Variants in ATAD2B observed in about 807,000 individuals in gnomAD.
ATAD2B encodes ATPase family AAA domain-containing protein 2B.
ATAD2B carries 40 observed loss-of-function variants against 167.6 expected under a neutral mutation model. That is an observed-to-expected ratio of 0.24 (90% CI 0.19 to 0.31). The LOEUF (loss-of-function observed/expected upper bound fraction) is 0.31, where lower values mean the gene tolerates loss of function less well. Ranked by LOEUF, ATAD2B falls within the 10% of genes least tolerant of loss-of-function variation. The pLI, the probability that ATAD2B is intolerant of heterozygous loss-of-function variation, is 1.00. For synonymous variants in ATAD2B, 579 were observed against 596.5 expected, an observed-to-expected ratio of 0.97 and a Z score of 0.43; for missense variants, 1,242 against 1,757.2, an observed-to-expected ratio of 0.71 and a Z score of 5.24.
chr2:23,837,818 T>C (rs2149783982), intron 13 of ATAD2B, among the ~76,000 whole-genome samples: 1 of 152,378 alleles, frequency 6.6e-6, no homozygotes, highest in Admixed American at 6.5e-5. Context: ...TTTGGACAAT[T>C]TCTTTAGAAT....
intron 2 of ATAD2B, among the ~76,000 whole-genome samples, chr2:23,894,218 G>A (rs962187803): frequency 2.6e-5 from 4 of 151,572 alleles, no homozygotes; most frequent in South Asian, 2.1e-4. Flanking sequence ...ACGGTGGCTC[G>A]TGCCTGTAAT....
At chr2:23,851,746 C>A (rs916797789) in intron 13 of ATAD2B, among the ~76,000 whole-genome samples, 11 of 152,128 alleles carry the variant, frequency 7.2e-5, no homozygotes, top group Non-Finnish European at 1.6e-4. Flanking sequence ...CCTAAAAAAT[C>A]TTTTATACTC....
chr2:23,782,730 T>C lies in ATAD2B; in HGVS notation c.3133+139A>G, dbSNP rs1680247490. On this transcript the variant is annotated intron_variant, in intron 22 of 27. Coordinates refer to ENST00000238789, the MANE Select transcript of ATAD2B (RefSeq NM_017552.4). Reference sequence around the variant, plus strand: ...AAACACATTATTTTTATGTAGGCTATGAGCTTCTTATTGAGAAGTTTTGAA... The same window carrying C: ...AAACACATTATTTTTATGTAGGCTACGAGCTTCTTATTGAGAAGTTTTGAA... 4 of 594,748 alleles carry C rather than the reference T, an allele frequency of 6.7e-6. No individual in the cohort carries two copies. The East Asian group carries it at 1.2e-4, about 18-fold the overall frequency. 36.8% of individuals were successfully genotyped at this position (594,748 alleles called of 1,614,324 possible).
the ATAD2B span, among the ~76,000 whole-genome samples, chr2:23,699,195 C>T: frequency 3.3e-5 from 5 of 152,330 alleles, no homozygotes; most frequent in South Asian, 1.0e-3. Context: ...GGCCAGCTTC[C>T]TGGGCTCTGG....
At chr2:23,857,358 A>C in intron 13 of ATAD2B, 57 bp downstream of exon 13, 1 of 956,590 alleles carries the variant, frequency 1.0e-6, no homozygotes, top group Non-Finnish European at 1.5e-6. Flanking sequence ...GGCTAAGGCT[A>C]ACTACCAAGT....
At chr2:23,854,952 T>C (rs1057321402) in intron 13 of ATAD2B, among the ~76,000 whole-genome samples, 1 of 152,156 alleles carries the variant, frequency 6.6e-6, no homozygotes, top group African/African-American at 2.4e-5. Flanking sequence ...CCCAGCACTT[T>C]GGGAGGCCAC....
the ATAD2B span, among the ~76,000 whole-genome samples, chr2:23,716,998 A>G: frequency 6.6e-6 from 1 of 152,190 alleles, no homozygotes; most frequent in African/African-American, 2.4e-5. Context: ...AGGAGGATGG[A>G]GGCGAGGATG....
At chr2:23,852,797 T>C (rs946872350) in intron 13 of ATAD2B, among the ~76,000 whole-genome samples, 1 of 151,670 alleles carries the variant, frequency 6.6e-6, no homozygotes, top group African/African-American at 2.4e-5. Context: ...CAGACACCTG[T>C]AATGCCAGGT....
At chr2:23,706,845 A>C in the ATAD2B span, 1 of 531,058 alleles carries the variant, frequency 1.9e-6, no homozygotes. Context: ...CTTTGGATGA[A>C]ACGGAGGCAC....
At chr2:23,691,643 G>A in the ATAD2B span, 92 of 1,543,812 alleles carry the variant, frequency 6.0e-5, no homozygotes, top group African/African-American at 1.1e-3. Flanking sequence ...CGCAGGGCAG[G>A]AGGTAAGGAC....
intron 8 of ATAD2B, chr2:23,872,218 C>G: frequency 2.8e-6 from 1 of 362,836 alleles, no homozygotes; most frequent in South Asian, 2.4e-5. Context: ...AGGTCTCACT[C>G]TGTCAACCCA....
At chr2:23,824,465 ACT>A (rs1687940070) in intron 15 of ATAD2B, among the ~76,000 whole-genome samples, 1 of 152,162 alleles carries the variant, frequency 6.6e-6, no homozygotes, top group South Asian at 2.1e-4. Context: ...TCTACTACCA[ACT>A]CTGAGTACAA....
At chr2:23,686,468 G>T in the ATAD2B span, among the ~76,000 whole-genome samples, 1 of 152,132 alleles carries the variant, frequency 6.6e-6, no homozygotes, top group African/African-American at 2.4e-5. Flanking sequence ...TCAGGAAATT[G>T]GTTCAAGTGA....
In ATAD2B at chr2:23,927,016, C is replaced by T; in HGVS notation, c.-246G>A. 6.1e-6 allele frequency: 3 copies of T among 488,306 alleles called. No homozygotes were observed. The highest frequency in any genetic ancestry group is 3.6e-6 in the Non-Finnish European group (1 of 281,130). The allele number at this position is 488,306 out of a possible 1,614,324, so 30.2% of individuals were successfully genotyped here. On this transcript the variant is annotated 5_prime_UTR_variant, in exon 1 of 28. Coordinates refer to ENST00000238789, the MANE Select transcript of ATAD2B (RefSeq NM_017552.4). ...GGCAGCACAGACACTCCGCCGGCTT[C>T]GCCCTCCTCAGCGGGAGCCGAGCGG...
chr2:23,745,476 G>C (rs1032806712), downstream of ATAD2B, among the ~76,000 whole-genome samples: 1 of 150,732 alleles, frequency 6.6e-6, no homozygotes, highest in African/African-American at 2.4e-5. Context: ...AAGGAAGGAA[G>C]GAAGACTTGA....
intron 19 of ATAD2B, among the ~76,000 whole-genome samples, chr2:23,791,950 C>G (rs773981667): frequency 6.6e-6 from 1 of 152,076 alleles, no homozygotes; most frequent in Non-Finnish European, 1.5e-5. Flanking sequence ...TAATGTCATA[C>G]TGTTTTCCAC....
intron 8 of ATAD2B, among the ~76,000 whole-genome samples, chr2:23,873,856 G>T (rs1696374616): frequency 6.6e-6 from 1 of 152,168 alleles, no homozygotes. Context: ...AAAAATAGTG[G>T]TATACATAAT....
chr2:23,884,395 T>C (rs1348650110), intron 6 of ATAD2B, among the ~76,000 whole-genome samples: 1 of 151,962 alleles, frequency 6.6e-6, no homozygotes, highest in African/African-American at 2.4e-5. Flanking sequence ...GAGATCCACA[T>C]AATCAGAGAT....
intron 1 of ATAD2B, among the ~76,000 whole-genome samples, chr2:23,911,765 A>T (rs563837111): frequency 6.6e-6 from 1 of 152,308 alleles, no homozygotes; most frequent in South Asian, 2.1e-4. Flanking sequence ...ACCTGAAGTC[A>T]GGAGTTCGAG....
Sources: allele counts gnomAD v4.1 joint callset (sites outside exome capture counted in the v4.1 genomes callset), GRCh38; gene constraint gnomAD v4.1.1; transcripts MANE v1.5; gene names NCBI Gene and HGNC (gene_info 2026-07-23, HGNC 2026-07-21).